NPAS3: variants seen among roughly 807,000 people sequenced by gnomAD.
The protein encoded by NPAS3 is neuronal PAS domain-containing protein 3.
In NPAS3, 14 loss-of-function variants were observed where a neutral mutation model predicts 73.1. That is an observed-to-expected ratio of 0.19 (90% CI 0.13 to 0.30). The LOEUF is 0.30. NPAS3 is among the 10% of genes least tolerant of loss of function. The pLI is 1.00. For synonymous variants in NPAS3, 620 were observed against 541.5 expected (o/e 1.14, Z -2.01); for missense variants, 1,096 against 1,250.0 (o/e 0.88, Z 1.86).
intron 2 of NPAS3, among the ~76,000 whole-genome samples, chr14:33,206,333 G>GT (rs1379151626): frequency 2.6e-5 from 4 of 151,808 alleles, no homozygotes; most frequent in African/African-American, 9.7e-5. Context: ...TTGTGAGACA[G>GT]TAAGATTTAT....
chr14:33,487,397 A>G (rs983643661), intron 4 of NPAS3, among the ~76,000 whole-genome samples: 3 of 152,212 alleles, frequency 2.0e-5, no homozygotes, highest in African/African-American at 7.2e-5. Context: ...AAAATCAGAA[A>G]TAAGTGTGTA....
Position 33,148,748 on chromosome 14 carries a change from G to A in NPAS3, c.141-66434G>A, listed in dbSNP as rs940615440. Among the ~76,000 whole-genome samples the A allele has an allele frequency of 3.9e-5, 6 of 152,164 alleles. No homozygotes were observed. The East Asian group carries it at 5.8e-4, about 15-fold the overall frequency. On this transcript the variant is annotated intron_variant, in intron 2 of 11. Coordinates refer to ENST00000356141, the Ensembl canonical transcript of NPAS3. ...GTCACTGAGGCTAGGTTATAGTGGC[G>A]TGATCAAAGCTCCCTGTAAGCCTCC...
At chr14:33,572,106 A>G (rs573501065) in intron 5 of NPAS3, among the ~76,000 whole-genome samples, 2 of 152,248 alleles carry the variant, frequency 1.3e-5, no homozygotes, top group South Asian at 4.1e-4. Flanking sequence ...CAAACCTTTC[A>G]TAGGGTGGCT....
chr14:33,390,185 T>TG (rs1299529265), intron 4 of NPAS3, among the ~76,000 whole-genome samples: 1 of 152,168 alleles, frequency 6.6e-6, no homozygotes, highest in Non-Finnish European at 1.5e-5. Flanking sequence ...ATGGTTATAT[T>TG]TGTGAGTATT....
At chr14:33,363,278 A>G (rs936157564) in intron 3 of NPAS3, among the ~76,000 whole-genome samples, 1 of 152,106 alleles carries the variant, frequency 6.6e-6, no homozygotes, top group Non-Finnish European at 1.5e-5. Flanking sequence ...ACTGCACTGA[A>G]TTAATTCTCA....
intron 5 of NPAS3, among the ~76,000 whole-genome samples, chr14:33,591,505 G>C (rs545733212): frequency 6.6e-6 from 1 of 152,320 alleles, no homozygotes; most frequent in South Asian, 2.1e-4. Flanking sequence ...TAAAGCCACT[G>C]ACTACCATCC....
intron 3 of NPAS3, among the ~76,000 whole-genome samples, chr14:33,357,149 G>A (rs149285537): frequency 3.9e-5 from 6 of 152,328 alleles, no homozygotes; most frequent in African/African-American, 1.4e-4. Context: ...GTTGAAAATT[G>A]TGTGGGCTTT....
intron 6 of NPAS3, among the ~76,000 whole-genome samples, chr14:33,676,825 A>G (rs1257703372): frequency 6.6e-6 from 1 of 152,196 alleles, no homozygotes; most frequent in African/African-American, 2.4e-5. Flanking sequence ...ATTTTTTTAA[A>G]GCATCAGAAG....
At chr14:32,997,513 G>A (rs546624170) in intron 1 of NPAS3, among the ~76,000 whole-genome samples, 29 of 152,200 alleles carry the variant, frequency 1.9e-4, no homozygotes, top group Middle Eastern at 3.4e-3. Context: ...TGAATAATGG[G>A]GGTGGGTCTT....
intron 2 of NPAS3, among the ~76,000 whole-genome samples, chr14:33,174,267 C>T (rs930642518): frequency 6.6e-6 from 1 of 152,146 alleles, no homozygotes; most frequent in Non-Finnish European, 1.5e-5. Context: ...AAAAGAATCA[C>T]AGGACTACTG....
rs985035654 is a variant in NPAS3, at chr14:33,466,703, CG to C, written c.469-93417del. The stretch of plus-strand genomic sequence containing the variant: ...GGTGGAAGGCAAAGAGGGAGAGAGG[CG>C]TCTCACATGATGGGAGCAGGAGGAA... On this transcript the variant is annotated intron_variant, in intron 4 of 11. Transcript: ENST00000356141. Among the ~76,000 whole-genome samples the C allele has an allele frequency of 1.5e-3, 223 of 152,194 alleles. 1 individual carries two copies. The highest frequency in any genetic ancestry group is 5.2e-3 in the African/African-American group (218 of 41,532).
intron 7 of NPAS3, among the ~76,000 whole-genome samples, chr14:33,772,013 G>C (rs1258990915): frequency 6.6e-6 from 1 of 152,112 alleles, no homozygotes; most frequent in African/African-American, 2.4e-5. Context: ...AATAAAAAGG[G>C]AAAGGAGCGA....
intron 5 of NPAS3, among the ~76,000 whole-genome samples, chr14:33,633,915 G>A (rs2058445778): frequency 6.6e-6 from 1 of 152,116 alleles, no homozygotes; most frequent in African/African-American, 2.4e-5. Context: ...GGACATCGAG[G>A]CTGCATTGAG....
chr14:33,234,794 C>G (rs1188685788), intron 3 of NPAS3, among the ~76,000 whole-genome samples: 1 of 152,074 alleles, frequency 6.6e-6, no homozygotes, highest in Non-Finnish European at 1.5e-5. Flanking sequence ...TTCCAGTAGA[C>G]TTCAAGCTTG....
intron 2 of NPAS3, among the ~76,000 whole-genome samples, chr14:33,155,814 TG>T (rs2044625999): frequency 6.6e-6 from 1 of 152,216 alleles, no homozygotes; most frequent in Admixed American, 6.5e-5. Context: ...ATTCCCATTT[TG>T]GGGATGCCAG....
At chr14:33,491,251 T>G (rs1255145665) in intron 4 of NPAS3, among the ~76,000 whole-genome samples, 4 of 152,032 alleles carry the variant, frequency 2.6e-5, no homozygotes, top group Non-Finnish European at 4.4e-5. Context: ...AAGTTTTTTT[T>G]TTTTCTCAAA....
chr14:33,681,066 CT>C (rs1387371207), intron 6 of NPAS3: 1 of 156,304 alleles, frequency 6.4e-6, no homozygotes, highest in Non-Finnish European at 1.4e-5. Context: ...TGGTAAATTG[CT>C]GACTACTCCT....
intron 1 of NPAS3, among the ~76,000 whole-genome samples, chr14:32,974,963 T>A (rs937046879): frequency 2.0e-5 from 3 of 152,076 alleles, no homozygotes; most frequent in Non-Finnish European, 4.4e-5. Flanking sequence ...AAATATAGAG[T>A]ATCTGATTAA....
chr14:33,238,202 A>G (rs1208543063), intron 3 of NPAS3, among the ~76,000 whole-genome samples: 1 of 152,008 alleles, frequency 6.6e-6, no homozygotes, highest in Non-Finnish European at 1.5e-5. Context: ...TATTACCTGC[A>G]GACCCCAGAC....
Sources: allele counts gnomAD v4.1 joint callset (sites outside exome capture counted in the v4.1 genomes callset), GRCh38; gene constraint gnomAD v4.1.1; transcripts MANE v1.5; gene names NCBI Gene and HGNC (gene_info 2026-07-23, HGNC 2026-07-21).